MYO3A: variants seen among roughly 807,000 people sequenced by gnomAD.
The protein encoded by MYO3A is myosin IIIA.
In MYO3A, 180 loss-of-function variants were observed where a neutral mutation model predicts 192.7. That is an observed-to-expected ratio of 0.93 (90% CI 0.83 to 1.06). The LOEUF is 1.06. MYO3A is among the 50% of genes least tolerant of loss of function. MYO3A has a pLI of 0.00. For synonymous variants in MYO3A, 628 were observed against 645.3 expected (o/e 0.97, Z 0.41); for missense variants, 1,896 against 1,905.0 (o/e 1.00, Z 0.09).
chr10:25,934,959 C>T (rs900911507), intron 1 of MYO3A, among the ~76,000 whole-genome samples: 1 of 151,984 alleles, frequency 6.6e-6, no homozygotes, highest in Non-Finnish European at 1.5e-5. Context: ...ACTGAGGGGG[C>T]CCTGCAGGGA....
At chr10:26,062,593 A>G (rs1483012561) in intron 10 of MYO3A, among the ~76,000 whole-genome samples, 2 of 114,350 alleles carry the variant, frequency 1.7e-5, no homozygotes, top group African/African-American at 5.6e-5. Flanking sequence ...CTGTCATTAG[A>G]TACTTTTTTT....
intron 6 of MYO3A, among the ~76,000 whole-genome samples, chr10:26,010,454 T>TG (rs1841565409): frequency 7.3e-6 from 1 of 137,342 alleles, no homozygotes; most frequent in African/African-American, 2.9e-5. Flanking sequence ...GTAGTTGTTT[T>TG]TTTTTTTTTT....
intron 4 of MYO3A, among the ~76,000 whole-genome samples, chr10:25,965,227 A>G (rs546572494): frequency 2.0e-5 from 3 of 152,274 alleles, no homozygotes; most frequent in East Asian, 1.9e-4. Context: ...TTTAAGGCCA[A>G]TAACTCTTAG....
In MYO3A at chr10:26,159,136, G is replaced by A. The variant is rs566007458; in HGVS notation, c.2999+1621G>A. ...CTCCTGAATAGCTAGAACTACAGGC[G>A]CCCGCCACCACGCCCGGCTAATTTT... On this transcript the variant is annotated intron_variant, in intron 26 of 34. Transcript: ENST00000642920. Among the ~76,000 whole-genome samples, 20 of 151,062 alleles carry A rather than the reference G, an allele frequency of 1.3e-4. No homozygotes were observed. The South Asian group carries it at 2.3e-3, about 17-fold the overall frequency.
intron 19 of MYO3A, 151 bp downstream of exon 19, chr10:26,125,759 C>A (rs1158683792): frequency 2.6e-6 from 2 of 758,894 alleles, no homozygotes; most frequent in Non-Finnish European, 4.2e-6. Flanking sequence ...ATAAGCTTCA[C>A]TTCCTAATAG....
chr10:26,000,350 T>C (rs1345637784), intron 6 of MYO3A, among the ~76,000 whole-genome samples: 2 of 152,250 alleles, frequency 1.3e-5, no homozygotes, highest in Non-Finnish European at 2.9e-5. Context: ...CTTTTTTTCC[T>C]GCCTGATAAC....
intron 4 of MYO3A, among the ~76,000 whole-genome samples, chr10:25,985,227 G>T (rs1839575144): frequency 8.4e-6 from 1 of 119,524 alleles, no homozygotes; most frequent in Non-Finnish European, 1.6e-5. Context: ...GACAAAGCAA[G>T]ACTCTGTCTC....
At chr10:26,053,100 G>A (rs1844101992) in intron 10 of MYO3A, among the ~76,000 whole-genome samples, 1 of 151,964 alleles carries the variant, frequency 6.6e-6, no homozygotes, top group Non-Finnish European at 1.5e-5. Context: ...TGGAAAGAGT[G>A]GGAAAGTAAC....
chr10:26,081,776 A>G (rs774407496), intron 14 of MYO3A, among the ~76,000 whole-genome samples: 6 of 152,156 alleles, frequency 3.9e-5, no homozygotes, highest in Non-Finnish European at 7.4e-5. Flanking sequence ...TGGCTCTCCA[A>G]ATGGATTCAG....
At chr10:26,006,094 A>G (rs904989819) in intron 6 of MYO3A, among the ~76,000 whole-genome samples, 6 of 152,154 alleles carry the variant, frequency 3.9e-5, no homozygotes, top group Non-Finnish European at 7.3e-5. Flanking sequence ...TCAGTCAACG[A>G]TCTTTTAGTT....
chr10:25,969,387 C>T (rs765834604), intron 4 of MYO3A, among the ~76,000 whole-genome samples: 34 of 152,074 alleles, frequency 2.2e-4, no homozygotes, highest in Admixed American at 1.9e-3. Flanking sequence ...AGTATATATA[C>T]GGTGCAGTAC....
At chr10:26,031,598 C>T (rs1842804432) in intron 10 of MYO3A, among the ~76,000 whole-genome samples, 1 of 152,232 alleles carries the variant, frequency 6.6e-6, no homozygotes, top group Admixed American at 6.5e-5. Flanking sequence ...TTCTTCCCCA[C>T]AGCAGAAGGG....
At chr10:26,085,587 G>C (rs1353585034) in intron 14 of MYO3A, among the ~76,000 whole-genome samples, 1 of 152,194 alleles carries the variant, frequency 6.6e-6, no homozygotes, top group Admixed American at 6.5e-5. Flanking sequence ...AGGTGTGCCA[G>C]AGGCTTGGAG....
chr10:25,942,072 G>T (rs1836533331), intron 2 of MYO3A, among the ~76,000 whole-genome samples: 1 of 150,262 alleles, frequency 6.7e-6, no homozygotes, highest in South Asian at 2.1e-4. Context: ...CATGAGTTCA[G>T]ATCACTGCAA....
chr10:26,158,671 A>T (rs1330695006), intron 26 of MYO3A, among the ~76,000 whole-genome samples: 1 of 152,134 alleles, frequency 6.6e-6, no homozygotes, highest in African/African-American at 2.4e-5. Flanking sequence ...TATATATTTA[A>T]TATTTTAAAT....
chr10:26,067,221 T>G (rs900285858), intron 11 of MYO3A, 147 bp downstream of exon 11: 2 of 628,182 alleles, frequency 3.2e-6, no homozygotes, highest in Admixed American at 4.9e-5. Flanking sequence ...GTCTCCCATC[T>G]GTAAGTCTCA....
At chr10:25,988,358 T>C (rs1839784888) in intron 4 of MYO3A, among the ~76,000 whole-genome samples, 1 of 148,298 alleles carries the variant, frequency 6.7e-6, no homozygotes, top group African/African-American at 2.6e-5. Flanking sequence ...AAAAACCTAT[T>C]GAAATTTAAA....
chr10:26,147,400 T>G, intron 22 of MYO3A, 30 bp from the exon 23 acceptor site: 8 of 1,594,694 alleles, frequency 5.0e-6, no homozygotes, highest in Non-Finnish European at 6.9e-6. Context: ...TGACATTGAT[T>G]GTGATAATTA....
chr10:26,193,979 A>G (rs2132156932), intron 32 of MYO3A, among the ~76,000 whole-genome samples: 1 of 152,236 alleles, frequency 6.6e-6, no homozygotes, highest in African/African-American at 2.4e-5. Flanking sequence ...TGCCACTGTC[A>G]TCCACATGGT....
Sources: gnomAD v4.1 joint callset for allele counts (sites outside exome capture counted in the v4.1 genomes callset) on GRCh38, gnomAD v4.1.1 for gene constraint, MANE v1.5 for transcripts, NCBI Gene and HGNC (gene_info 2026-07-23, HGNC 2026-07-21) for gene names.